Variants in CCNH observed in about 807,000 individuals in gnomAD.
CCNH encodes cyclin H, also known as cyclin-H.
Under a neutral mutation model 41.9 loss-of-function variants are expected in CCNH, and 31 were observed. The ratio of observed to expected loss-of-function variants is 0.74; its 90% confidence interval spans 0.56 to 1.00. The LOEUF is 1.00. Ranked by LOEUF, CCNH falls within the 50% of genes least tolerant of loss-of-function variation. The pLI, the probability that CCNH is intolerant of heterozygous loss-of-function variation, is 0.00. For missense variants in CCNH, 362 were observed against 388.4 expected (o/e 0.93, Z 0.57); for synonymous variants, 138 against 136.1 (o/e 1.01, Z -0.10).
At chr5:87,388,783 A>T (rs1561332795), downstream of CCNH, among the ~76,000 whole-genome samples, 1 of 152,208 alleles carries the variant, frequency 6.6e-6, no homozygotes. Flanking sequence ...ACTTAGACAA[A>T]CTACAGGAGC....
At chr5:87,374,747 G>A (rs11950962), downstream of CCNH, 1 of 1,526,412 alleles carries the variant, frequency 6.6e-7, no homozygotes, top group African/African-American at 1.4e-5. Context: ...TTTTAAAGCA[G>A]AAATAGGGGG....
At chr5:87,334,778 A>G (rs1757845688) in intron 9 of CCNH, among the ~76,000 whole-genome samples, 1 of 152,264 alleles carries the variant, frequency 6.6e-6, no homozygotes, top group Non-Finnish European at 1.5e-5. Context: ...GTGACTACAC[A>G]ACTTTAATCT....
chr5:87,338,536 A>ATATATATATATATATATATATATATATT, intron 9 of CCNH, among the ~76,000 whole-genome samples: 2 of 85,214 alleles, frequency 2.3e-5, no homozygotes, highest in Admixed American at 1.3e-4. Context: ...TATATATAAA[A>ATATATATATATATATATATATATATATT]TTTTTTTTTT....
chr5:87,353,181 T>C, intron 9 of CCNH: 1 of 1,610,706 alleles, frequency 6.2e-7, no homozygotes, highest in Middle Eastern at 1.7e-4. Flanking sequence ...TAGATCACTA[T>C]CGAAAAGAAC....
At chr5:87,335,451 G>A (rs1046245732) in intron 9 of CCNH, among the ~76,000 whole-genome samples, 2 of 91,060 alleles carry the variant, frequency 2.2e-5, no homozygotes, top group Non-Finnish European at 4.0e-5. Flanking sequence ...TTTTGTGACA[G>A]TTTCGCTCTT....
chr5:87,341,508 A>T (rs1006077422), intron 9 of CCNH, among the ~76,000 whole-genome samples: 1 of 152,144 alleles, frequency 6.6e-6, no homozygotes, highest in Admixed American at 6.5e-5. Context: ...TTTTAAATAA[A>T]AGGTAGCTGA....
At chr5:87,374,728 TG>T (rs2112486498), downstream of CCNH, 1 of 1,426,020 alleles carries the variant, frequency 7.0e-7, no homozygotes, top group South Asian at 1.2e-5. Context: ...TCTAGCACAC[TG>T]TTTTTTTTTT....
At chr5:87,338,174 T>C (rs1758114827) in intron 9 of CCNH, 1 of 1,583,228 alleles carries the variant, frequency 6.3e-7, no homozygotes, top group African/African-American at 1.4e-5. Context: ...AGAAAGTAGC[T>C]ATGAATACAT....
At chr5:87,411,553 G>A (rs1326542822) in intron 1 of CCNH, among the ~76,000 whole-genome samples, 5 of 152,088 alleles carry the variant, frequency 3.3e-5, no homozygotes, top group Non-Finnish European at 5.9e-5. Flanking sequence ...ATCATTTCAC[G>A]ACTTTTCGGA....
chr5:87,315,783 G>A (rs1580239863), downstream of CCNH, among the ~76,000 whole-genome samples: 1 of 152,166 alleles, frequency 6.6e-6, no homozygotes, highest in East Asian at 1.9e-4. Context: ...TAATCAAGCA[G>A]ATTAAATACT....
chr5:87,348,387 A>G (rs971655196), intron 9 of CCNH, among the ~76,000 whole-genome samples: 5 of 152,014 alleles, frequency 3.3e-5, no homozygotes, highest in Non-Finnish European at 7.4e-5. Context: ...TTGAACTTAA[A>G]TGGAGAAAAG....
downstream of CCNH, among the ~76,000 whole-genome samples, chr5:87,314,088 G>A (rs184374928): frequency 4.6e-5 from 7 of 152,168 alleles, no homozygotes; most frequent in East Asian, 9.6e-4. Context: ...CAGGAGAATC[G>A]CTTGAACCCG....
exon 1 of CCNH, chr5:87,377,097 G>A: frequency 6.6e-7 from 1 of 1,526,278 alleles, no homozygotes; most frequent in Non-Finnish European, 9.1e-7. Context: ...TTTATATCAA[G>A]GATATATGGA....
At chr5:87,338,939 T>G (rs1368910619) in intron 9 of CCNH, among the ~76,000 whole-genome samples, 1 of 152,142 alleles carries the variant, frequency 6.6e-6, no homozygotes, top group Admixed American at 6.6e-5. Context: ...ACCAGGTGCA[T>G]TTTTAATAAC....
intron 9 of CCNH, among the ~76,000 whole-genome samples, chr5:87,324,030 G>C (rs1757026056): frequency 6.6e-6 from 1 of 152,088 alleles, no homozygotes; most frequent in African/African-American, 2.4e-5. Flanking sequence ...CACAATGCTT[G>C]GCACATAGTT....
At chr5:87,387,424 C>T (rs544535799), downstream of CCNH, among the ~76,000 whole-genome samples, 7 of 152,144 alleles carry the variant, frequency 4.6e-5, no homozygotes, top group East Asian at 3.8e-4. Flanking sequence ...TACAAAATTA[C>T]GAATGAGGGT....
rs1192444222 is a variant in CCNH, at chr5:87,395,011, TA to T, written c.933+32del. 3 of 1,611,768 alleles carry T rather than the reference TA, an allele frequency of 1.9e-6. No homozygotes were observed. In the Admixed American group the frequency reaches 5.0e-5, roughly 27 times the overall value. On this transcript the variant is annotated intron_variant, in intron 8 of 8. Transcript: ENST00000256897. Reference sequence around the variant, plus strand: ...GTCACACCAGAATGTATAACAAAAATAACTTAGAGTTCATCTTTGGAGTAAA... The same window carrying T: ...GTCACACCAGAATGTATAACAAAAATACTTAGAGTTCATCTTTGGAGTAAA...
downstream of CCNH, among the ~76,000 whole-genome samples, chr5:87,314,480 G>A (rs1411695935): frequency 1.3e-5 from 2 of 152,212 alleles, no homozygotes; most frequent in Non-Finnish European, 2.9e-5. Flanking sequence ...GAAGAAGAGA[G>A]CATAGGAAGG....
At chr5:87,410,453 ATT>A (rs3840120) in intron 2 of CCNH, among the ~76,000 whole-genome samples, 1 of 151,404 alleles carries the variant, frequency 6.6e-6, no homozygotes, top group African/African-American at 2.4e-5. Context: ...ACATACTTCA[ATT>A]TTTTTTTCAA....
Sources: allele counts gnomAD v4.1 joint callset (sites outside exome capture counted in the v4.1 genomes callset), GRCh38; gene constraint gnomAD v4.1.1; transcripts MANE v1.5; gene names NCBI Gene and HGNC (gene_info 2026-07-23, HGNC 2026-07-21).